The following CHODL variants were observed in gnomAD, a reference collection of about 807,000 sequenced individuals.
CHODL encodes the protein chondrolectin, also known as transmembrane protein MT75.
CHODL carries 29 observed loss-of-function variants against 34.5 expected under a neutral mutation model. That is an observed-to-expected ratio of 0.84 (90% CI 0.63 to 1.15). The LOEUF is 1.15. CHODL is among the 50% of genes most tolerant of loss of function. CHODL has a pLI of 0.00. For missense variants in CHODL, 332 were observed against 332.5 expected (o/e 1.00, Z 0.01); for synonymous variants, 125 against 116.1 (o/e 1.08, Z -0.49).
At chr21:18,263,901 C>CTTTTTT (rs34968795) in intron 5 of CHODL, among the ~76,000 whole-genome samples, 47 of 141,382 alleles carry the variant, frequency 3.3e-4, no homozygotes, top group African/African-American at 1.1e-3. Flanking sequence ...CATTAATAAC[C>CTTTTTT]TTTTTTTTTT....
chr21:18,006,574 T>C (rs528388952), intron 1 of CHODL, among the ~76,000 whole-genome samples: 2 of 152,350 alleles, frequency 1.3e-5, no homozygotes, highest in East Asian at 3.9e-4. Context: ...TTACAGGGAC[T>C]TAGTGTTTAT....
chr21:18,258,339 T>C (rs896185847), intron 3 of CHODL, among the ~76,000 whole-genome samples: 5 of 152,118 alleles, frequency 3.3e-5, no homozygotes, highest in African/African-American at 7.2e-5. Context: ...CCTCTGATAT[T>C]TTAAATTTGT....
At chr21:18,253,222 A>G (rs910208305) in intron 1 of CHODL, among the ~76,000 whole-genome samples, 3 of 152,056 alleles carry the variant, frequency 2.0e-5, no homozygotes, top group African/African-American at 7.2e-5. Flanking sequence ...GACTTTTAGC[A>G]TATGCATCAT....
At chr21:18,009,837 G>C (rs1226408698) in intron 1 of CHODL, among the ~76,000 whole-genome samples, 1 of 141,726 alleles carries the variant, frequency 7.1e-6, no homozygotes, top group Admixed American at 7.3e-5. Context: ...GCAGTGAGCT[G>C]AGATCGAGCC....
At chr21:17,952,780 C>T (rs1292953629) in intron 1 of CHODL, among the ~76,000 whole-genome samples, 1 of 152,100 alleles carries the variant, frequency 6.6e-6, no homozygotes, top group Non-Finnish European at 1.5e-5. Flanking sequence ...AAAGACACTA[C>T]CCAAGACTGG....
upstream of CHODL, among the ~76,000 whole-genome samples, chr21:18,240,945 C>T (rs2074076104): frequency 6.6e-6 from 1 of 152,104 alleles, no homozygotes; most frequent in Non-Finnish European, 1.5e-5. Context: ...TATAATTCTT[C>T]ATTATATTTC....
chr21:18,169,003 T>C (rs11911479), intron 2 of CHODL, among the ~76,000 whole-genome samples: 16,234 of 152,122 alleles, frequency 0.11, 946 homozygotes, highest in Middle Eastern at 0.15. Flanking sequence ...GTTCTAGTCT[T>C]TGGTGTTGGA....
At chr21:18,108,684 AT>A (rs1568890400) in intron 2 of CHODL, among the ~76,000 whole-genome samples, 1 of 152,214 alleles carries the variant, frequency 6.6e-6, no homozygotes, top group African/African-American at 2.4e-5. Flanking sequence ...ATGAATTAAA[AT>A]TTGGTCATTC....
chr21:17,952,078 C>T (rs1179213321), intron 1 of CHODL, among the ~76,000 whole-genome samples: 1 of 148,898 alleles, frequency 6.7e-6, no homozygotes, highest in Admixed American at 6.9e-5. Context: ...TAGCCAGGCA[C>T]ATGGTGGTGC....
At position 17,984,582 on chromosome 21, in the gene CHODL, G is replaced by C. The variant is rs2063739237; in HGVS notation, c.-144-43290G>C. 1.3e-5 allele frequency among the ~76,000 whole-genome samples: 2 copies of C among 151,344 alleles called. 1 individual carries two copies. The highest frequency in any genetic ancestry group is 4.9e-5 in the African/African-American group (2 of 41,158). On this transcript the variant is annotated intron_variant, in intron 1 of 6. Transcript: ENST00000400127. ...CTTTTTTTAATTAAAATACTTTCTA[G>C]TTTGGTGTTTGTCTTTTGTACATGA...
chr21:18,070,711 A>G (rs2064793068), intron 2 of CHODL, among the ~76,000 whole-genome samples: 1 of 151,946 alleles, frequency 6.6e-6, no homozygotes, highest in South Asian at 2.1e-4. Flanking sequence ...TGTAGAACTG[A>G]CTCCCAATCA....
intron 1 of CHODL, among the ~76,000 whole-genome samples, chr21:17,953,316 T>C (rs776705334): frequency 6.6e-6 from 1 of 152,082 alleles, no homozygotes; most frequent in Non-Finnish European, 1.5e-5. Flanking sequence ...AGAAATTCAG[T>C]TGAAGCCTGG....
chr21:17,932,030 G>A (rs1465158441), intron 1 of CHODL, among the ~76,000 whole-genome samples: 3 of 152,006 alleles, frequency 2.0e-5, no homozygotes, highest in Non-Finnish European at 4.4e-5. Flanking sequence ...TACAGAGTGG[G>A]AGAAAATATT....
chr21:18,037,588 T>TGAG, intron 2 of CHODL, among the ~76,000 whole-genome samples: 1 of 151,896 alleles, frequency 6.6e-6, no homozygotes, highest in African/African-American at 2.4e-5. Context: ...TGAGAAGTGT[T>TGAG]AAGTGTGTAG....
intron 2 of CHODL, among the ~76,000 whole-genome samples, chr21:18,072,040 T>C (rs2064811781): frequency 2.0e-5 from 3 of 152,100 alleles, no homozygotes; most frequent in African/African-American, 7.2e-5. Flanking sequence ...ATGGCTGAGC[T>C]GCTAGCAGAT....
chr21:18,138,935 A>T (rs748087756), intron 2 of CHODL, among the ~76,000 whole-genome samples: 1 of 152,150 alleles, frequency 6.6e-6, no homozygotes, highest in Non-Finnish European at 1.5e-5. Flanking sequence ...AGATACAGGC[A>T]TGGATGAACT....
chr21:18,183,916 T>C (rs2073410916), intron 2 of CHODL, among the ~76,000 whole-genome samples: 1 of 152,220 alleles, frequency 6.6e-6, no homozygotes, highest in African/African-American at 2.4e-5. Flanking sequence ...TTTGAAAGTC[T>C]GATTGTTTTT....
intron 1 of CHODL, among the ~76,000 whole-genome samples, chr21:17,938,286 T>C (rs1276538060): frequency 1.3e-5 from 2 of 151,934 alleles, no homozygotes; most frequent in Non-Finnish European, 2.9e-5. Flanking sequence ...GCTGACCTAT[T>C]TGGACACAAA....
Position 18,042,362 on chromosome 21 carries a change from T to C in CHODL, c.-45+14391T>C, listed in dbSNP as rs185771439. 3.3e-5 allele frequency among the ~76,000 whole-genome samples: 5 copies of C among 151,982 alleles called. No individual in the cohort carries two copies. The East Asian group carries it at 9.8e-4, about 30-fold the overall frequency. ...GGGCCCACAAATTGTATAAAATATA[T>C]CCTCATACCTCAGAGCTATGGCAAT... On this transcript the variant is annotated intron_variant, in intron 2 of 6. Coordinates refer to the CHODL transcript ENST00000400127.
Sources: gnomAD v4.1 joint callset for allele counts (sites outside exome capture counted in the v4.1 genomes callset) on GRCh38, gnomAD v4.1.1 for gene constraint, MANE v1.5 for transcripts, NCBI Gene and HGNC (gene_info 2026-07-23, HGNC 2026-07-21) for gene names.